MARCHF3: variants seen among roughly 807,000 people sequenced by gnomAD.
The protein encoded by MARCHF3 is E3 ubiquitin-protein ligase MARCHF3.
MARCHF3 carries 13 observed loss-of-function variants against 24.2 expected under a neutral mutation model. That is an observed-to-expected ratio of 0.54 (90% CI 0.35 to 0.85). The LOEUF (loss-of-function observed/expected upper bound fraction) is 0.85. Among genes scored for constraint, MARCHF3 ranks in the 40% least tolerant of loss-of-function variants. The pLI, the probability that MARCHF3 is intolerant of heterozygous loss-of-function variation, is 0.01. For missense variants in MARCHF3, 276 were observed against 325.0 expected, an observed-to-expected ratio of 0.85 and a Z score of 1.16; for synonymous variants, 144 against 137.3, an observed-to-expected ratio of 1.05 and a Z score of -0.34.
chr5:126,972,451 C>T (rs1056476949), intron 1 of MARCHF3, among the ~76,000 whole-genome samples: 4 of 152,088 alleles, frequency 2.6e-5, no homozygotes, highest in African/African-American at 7.2e-5. Context: ...TTCTGTGTTA[C>T]AAGTCATGTG....
At chr5:126,962,251 T>C (rs1484931755) in intron 1 of MARCHF3, among the ~76,000 whole-genome samples, 1 of 152,092 alleles carries the variant, frequency 6.6e-6, no homozygotes, top group Non-Finnish European at 1.5e-5. Context: ...TCTATATATA[T>C]ATATCTCTGC....
At chr5:126,951,264 T>A (rs182965857) in intron 1 of MARCHF3, among the ~76,000 whole-genome samples, 1 of 152,294 alleles carries the variant, frequency 6.6e-6, no homozygotes, top group Non-Finnish European at 1.5e-5. Context: ...CCTCCCATTC[T>A]CACTATCATC....
In MARCHF3 at chr5:126,918,141, CG is replaced by C; in HGVS notation, c.30del (p.Glu11LysfsTer14). 8 of 1,613,848 alleles carry C rather than the reference CG, an allele frequency of 5.0e-6. No homozygotes were observed. Among genetic ancestry groups the C allele is most frequent in the Non-Finnish European group, 6.8e-6 (8 of 1,179,952 alleles). On this transcript the variant is annotated frameshift_variant, in exon 2 of 5. Coordinates refer to ENST00000308660, the MANE Select transcript of MARCHF3 (RefSeq NM_178450.5). LOFTEE classifies it high-confidence loss of function. MTTSRCSHL[P>X]EVLPDCTSSA... ...GAGCTGGTGCAGTCTGGCAGGACTTCGGGCAGGTGACTGCAGCGGCTGGTTG... is the reference window on the plus strand; with the variant it reads ...GAGCTGGTGCAGTCTGGCAGGACTTCGGCAGGTGACTGCAGCGGCTGGTTG...
intron 1 of MARCHF3, among the ~76,000 whole-genome samples, chr5:126,929,768 G>T (rs1749420323): frequency 6.6e-6 from 1 of 152,172 alleles, no homozygotes; most frequent in African/African-American, 2.4e-5. Flanking sequence ...CACGTATTGT[G>T]GGAGGGACCT....
chr5:126,984,577 T>C (rs1751499513), intron 1 of MARCHF3, among the ~76,000 whole-genome samples: 1 of 152,190 alleles, frequency 6.6e-6, no homozygotes, highest in African/African-American at 2.4e-5. Flanking sequence ...CCAGCCACTC[T>C]CTTTAAACAT....
intron 3 of MARCHF3, among the ~76,000 whole-genome samples, chr5:126,878,657 A>G (rs1165477977): frequency 1.3e-5 from 2 of 152,230 alleles, no homozygotes; most frequent in Non-Finnish European, 2.9e-5. Flanking sequence ...AGTCGTTACT[A>G]TTCAGAATCA....
chr5:126,982,582 GA>G (rs1751427043), intron 1 of MARCHF3, among the ~76,000 whole-genome samples: 1 of 152,146 alleles, frequency 6.6e-6, no homozygotes, highest in South Asian at 2.1e-4. Context: ...ACAGTCCTAG[GA>G]TCTACTAGAT....
intron 1 of MARCHF3, among the ~76,000 whole-genome samples, chr5:126,936,671 A>C (rs1482252204): frequency 6.6e-6 from 1 of 152,198 alleles, no homozygotes; most frequent in East Asian, 1.9e-4. Flanking sequence ...TAGAAAAAAC[A>C]GTTGAACAAA....
rs746079671 is a variant in MARCHF3, at chr5:126,918,196, T to C, written c.-25A>G. 13 of 1,601,026 alleles carry C rather than the reference T, an allele frequency of 8.1e-6. No homozygotes were observed. Among genetic ancestry groups the C allele is most frequent in the Non-Finnish European group, 1.0e-5 (12 of 1,173,328 alleles). The stretch of plus-strand genomic sequence containing the variant: ...TGGTAACAGACAGCAATTACTCTGC[T>C]AATGGCTTCCACATTCATACAGGAT... On this transcript the variant is annotated 5_prime_UTR_variant, in exon 2 of 5. The change abolishes the stop of an existing upstream ORF in the 5' untranslated region. Coordinates refer to ENST00000308660, the MANE Select transcript of MARCHF3 (RefSeq NM_178450.5).
chr5:127,023,235 CT>C (rs374377521), intron 1 of MARCHF3, among the ~76,000 whole-genome samples: 1 of 152,118 alleles, frequency 6.6e-6, no homozygotes, highest in South Asian at 2.1e-4. Context: ...TATAAGTCCC[CT>C]ATTTGGTCCT....
chr5:126,888,059 T>C (rs1340665775), intron 3 of MARCHF3, among the ~76,000 whole-genome samples: 1 of 152,232 alleles, frequency 6.6e-6, no homozygotes, highest in Non-Finnish European at 1.5e-5. Context: ...AATTTGTGCT[T>C]GATAAATATT....
At chr5:126,982,310 T>C (rs1751420954) in intron 1 of MARCHF3, among the ~76,000 whole-genome samples, 1 of 152,114 alleles carries the variant, frequency 6.6e-6, no homozygotes, top group South Asian at 2.1e-4. Context: ...CCCTATACCA[T>C]GTCTGAACCC....
chr5:127,010,977 A>G (rs1189927028), intron 1 of MARCHF3, among the ~76,000 whole-genome samples: 4 of 152,170 alleles, frequency 2.6e-5, no homozygotes, highest in Non-Finnish European at 5.9e-5. Context: ...TGTATTTACT[A>G]CCACTGAACT....
intron 1 of MARCHF3, among the ~76,000 whole-genome samples, chr5:127,006,431 T>C (rs559951268): frequency 7.2e-5 from 11 of 152,300 alleles, no homozygotes; most frequent in African/African-American, 2.6e-4. Context: ...AGGCCATAAA[T>C]TCACACAGAC....
intron 4 of MARCHF3, among the ~76,000 whole-genome samples, chr5:126,877,533 A>G (rs189318066): frequency 6.6e-6 from 1 of 152,352 alleles, no homozygotes; most frequent in Admixed American, 6.5e-5. Context: ...AAAAGTTAAA[A>G]GAATGAAAAA....
intron 1 of MARCHF3, among the ~76,000 whole-genome samples, chr5:126,966,117 G>C (rs1340079681): frequency 6.6e-6 from 1 of 152,216 alleles, no homozygotes; most frequent in Non-Finnish European, 1.5e-5. Context: ...CTGCTTATAT[G>C]AAAGTCTAGA....
intron 3 of MARCHF3, among the ~76,000 whole-genome samples, chr5:126,896,199 G>T (rs1300820885): frequency 6.6e-6 from 1 of 152,100 alleles, no homozygotes; most frequent in South Asian, 2.1e-4. Context: ...ACTGACCTGC[G>T]CCCACTGTCT....
chr5:126,898,772 C>T (rs765258864), intron 3 of MARCHF3: 136 of 780,606 alleles, frequency 1.7e-4, no homozygotes, highest in Non-Finnish European at 1.4e-4. Context: ...CATTTTCCCT[C>T]GGAGCCCTAA....
At chr5:126,895,330 T>C (rs966247500) in intron 3 of MARCHF3, among the ~76,000 whole-genome samples, 57 of 152,290 alleles carry the variant, frequency 3.7e-4, no homozygotes, top group African/African-American at 1.2e-3. Context: ...ATTCTCCATC[T>C]AGCTTTGTTC....
Sources: allele counts gnomAD v4.1 joint callset (sites outside exome capture counted in the v4.1 genomes callset), GRCh38; gene constraint gnomAD v4.1.1; transcripts MANE v1.5; gene names NCBI Gene and HGNC (gene_info 2026-07-23, HGNC 2026-07-21).